NKAIN3: variants seen among roughly 807,000 people sequenced by gnomAD.
The protein encoded by NKAIN3 is sodium/potassium transporting ATPase interacting 3, also known as sodium/potassium-transporting ATPase subunit beta-1-interacting protein 3.
In NKAIN3, 25 loss-of-function variants were observed where a neutral mutation model predicts 30.2. That is an observed-to-expected ratio of 0.83 (90% CI 0.60 to 1.16). NKAIN3 has a LOEUF of 1.16. Ranked by LOEUF, NKAIN3 falls within the 50% of genes most tolerant of loss-of-function variation. The pLI, the probability that NKAIN3 is intolerant of heterozygous loss-of-function variation, is 0.00. For missense variants in NKAIN3, 225 were observed against 254.1 expected (o/e 0.89, Z 0.78); for synonymous variants, 91 against 89.6 (o/e 1.02, Z -0.09).
intron 1 of NKAIN3, among the ~76,000 whole-genome samples, chr8:62,318,824 G>C (rs1305974126): frequency 6.6e-6 from 1 of 152,104 alleles, no homozygotes; most frequent in Admixed American, 6.5e-5. Flanking sequence ...CCAGGCTTTG[G>C]TATCAGGATG....
intron 1 of NKAIN3, 120 bp downstream of exon 1, chr8:62,249,247 C>T (rs549331457): frequency 2.4e-6 from 2 of 830,720 alleles, no homozygotes; most frequent in East Asian, 3.2e-5. Flanking sequence ...GGGCGCTCCG[C>T]CCGCCTCCCA....
chr8:62,534,577 A>G (rs757832858), intron 1 of NKAIN3, among the ~76,000 whole-genome samples: 11 of 152,196 alleles, frequency 7.2e-5, no homozygotes, highest in Non-Finnish European at 1.5e-4. Flanking sequence ...AACATAACAC[A>G]GCGGTTTTCA....
At position 62,866,097 on chromosome 8, in the gene NKAIN3, A is replaced by T. The variant is rs556592680; in HGVS notation, c.472-52356A>T. Among the ~76,000 whole-genome samples the T allele has an allele frequency of 3.1e-3, 474 of 152,346 alleles. 2 individuals carry two copies. Among genetic ancestry groups the T allele is most frequent in the Admixed American group, 8.0e-3 (122 of 15,304 alleles). ...TGTATTTTTGCATATTTTTAAAAGT[A>T]TTTTTAAAGAAAAAGAGGGATTTCA... On this transcript the variant is annotated intron_variant, in intron 4 of 6. Transcript: ENST00000623646.
intron 3 of NKAIN3, among the ~76,000 whole-genome samples, chr8:62,721,198 G>C (rs900738463): frequency 6.6e-6 from 1 of 152,096 alleles, no homozygotes; most frequent in African/African-American, 2.4e-5. Context: ...TCCCCAAATA[G>C]AGCCAAATAT....
At chr8:62,323,007 A>C (rs972500058) in intron 1 of NKAIN3, among the ~76,000 whole-genome samples, 8 of 152,218 alleles carry the variant, frequency 5.3e-5, no homozygotes, top group Non-Finnish European at 1.0e-4. Context: ...TAGAATGGCT[A>C]AATTCAAAAC....
chr8:62,934,820 G>T (rs913833601), intron 5 of NKAIN3, among the ~76,000 whole-genome samples: 2 of 152,066 alleles, frequency 1.3e-5, no homozygotes, highest in African/African-American at 4.8e-5. Flanking sequence ...TTATCTCATG[G>T]TTTGTGCTAC....
intron 5 of NKAIN3, among the ~76,000 whole-genome samples, chr8:62,997,755 T>TTAAA (rs201520343): frequency 9.6e-5 from 14 of 145,588 alleles, no homozygotes; most frequent in African/African-American, 3.3e-4. Flanking sequence ...CTCTTTTCTT[T>TTAAA]AAAAAAAAAA....
rs1459626682 is a variant in NKAIN3, at chr8:62,805,333, C to T, written c.471+58204C>T. Among the ~76,000 whole-genome samples, 423 of 151,582 alleles carry T rather than the reference C, an allele frequency of 2.8e-3. 3 individuals carry two copies. Among genetic ancestry groups the T allele is most frequent in the African/African-American group, 9.9e-3 (407 of 41,274 alleles). On this transcript the variant is annotated intron_variant, in intron 4 of 6. Coordinates refer to ENST00000623646, the MANE Select transcript of NKAIN3 (RefSeq NM_001304533.3). The stretch of plus-strand genomic sequence containing the variant: ...GTTCATATGGAACCAAAAAAGAGCC[C>T]GCATTGCCAAGTCAATCCTAAGCCA...
intron 1 of NKAIN3, among the ~76,000 whole-genome samples, chr8:62,358,834 G>C (rs1470789310): frequency 6.6e-6 from 1 of 152,206 alleles, no homozygotes; most frequent in Non-Finnish European, 1.5e-5. Context: ...CAACAAAAGA[G>C]ATAGTGCATA....
chr8:62,372,232 G>A (rs975663361), intron 1 of NKAIN3, among the ~76,000 whole-genome samples: 1 of 151,598 alleles, frequency 6.6e-6, no homozygotes, highest in East Asian at 1.9e-4. Flanking sequence ...AAATGTTTTA[G>A]GTCACACACA....
At chr8:62,747,855 A>C (rs1460200138) in intron 4 of NKAIN3, among the ~76,000 whole-genome samples, 1 of 151,998 alleles carries the variant, frequency 6.6e-6, no homozygotes, top group Non-Finnish European at 1.5e-5. Flanking sequence ...TTCTCAACCC[A>C]CTCTTCACAT....
At position 62,984,530 on chromosome 8, in the gene NKAIN3, C is replaced by T. The variant is rs1585645066; in HGVS notation, c.*19123C>T. On this transcript the variant is annotated 3_prime_UTR_variant, in exon 7 of 7. Transcript: ENST00000623646. The stretch of plus-strand genomic sequence containing the variant: ...GATATGAATTTCTACTGTCCCATAA[C>T]ACTGTGTAGTGACTTCACTGTATAT... 1.3e-5 allele frequency: 2 copies of T among 152,302 alleles called. No individual in the cohort carries two copies. The highest frequency in any genetic ancestry group is 2.9e-5 in the Non-Finnish European group (2 of 68,020). 9.4% of individuals were successfully genotyped at this position (152,302 alleles called of 1,614,324 possible).
At chr8:62,360,479 G>A (rs1816521899) in intron 1 of NKAIN3, among the ~76,000 whole-genome samples, 1 of 152,144 alleles carries the variant, frequency 6.6e-6, no homozygotes, top group Non-Finnish European at 1.5e-5. Context: ...TAGCTAACAT[G>A]TTTAGAATGT....
At chr8:62,641,148 C>T (rs1812297671) in intron 3 of NKAIN3, among the ~76,000 whole-genome samples, 1 of 152,110 alleles carries the variant, frequency 6.6e-6, no homozygotes, top group Non-Finnish European at 1.5e-5. Context: ...TCAGAATCTA[C>T]ACTTTAACAA....
chr8:62,848,886 T>G (rs1483626828), intron 4 of NKAIN3, among the ~76,000 whole-genome samples: 1 of 152,204 alleles, frequency 6.6e-6, no homozygotes, highest in Non-Finnish European at 1.5e-5. Context: ...ATGTTAAATT[T>G]TATCAAAGGC....
chr8:62,496,671 G>A (rs1807249330), intron 1 of NKAIN3, among the ~76,000 whole-genome samples: 1 of 152,108 alleles, frequency 6.6e-6, no homozygotes, highest in South Asian at 2.1e-4. Context: ...AATATAAAGA[G>A]TAGATTTCAA....
intron 1 of NKAIN3, among the ~76,000 whole-genome samples, chr8:62,328,418 G>A (rs1815218946): frequency 6.6e-6 from 1 of 151,976 alleles, no homozygotes; most frequent in Non-Finnish European, 1.5e-5. Context: ...TAATGAGAGG[G>A]GTCGTATTAC....
intron 4 of NKAIN3, among the ~76,000 whole-genome samples, chr8:62,834,312 G>A (rs910698705): frequency 1.3e-5 from 2 of 152,070 alleles, no homozygotes; most frequent in Non-Finnish European, 2.9e-5. Context: ...CCTGGCACTG[G>A]AAGTGCTAGC....
chr8:62,505,134 G>A (rs16929077), intron 1 of NKAIN3, among the ~76,000 whole-genome samples: 4,753 of 152,200 alleles, frequency 0.031, 286 homozygotes, highest in African/African-American at 0.11. Flanking sequence ...GTAATTATGC[G>A]AACAATAAGG....
Sources: allele counts gnomAD v4.1 joint callset (sites outside exome capture counted in the v4.1 genomes callset), GRCh38; gene constraint gnomAD v4.1.1; transcripts MANE v1.5; gene names NCBI Gene and HGNC (gene_info 2026-07-23, HGNC 2026-07-21).